The following MANBA variants were observed in gnomAD, a reference collection of about 807,000 sequenced individuals.
The protein encoded by MANBA is mannosidase beta.
Under a neutral mutation model 111.1 loss-of-function variants are expected in MANBA, and 83 were observed. That is an observed-to-expected ratio of 0.75 (90% CI 0.63 to 0.90). MANBA has a LOEUF of 0.90. Ranked by LOEUF, MANBA falls within the 40% of genes least tolerant of loss-of-function variation. The probability of loss-of-function intolerance (pLI) is 0.00; values close to 1 mark genes in which losing one functional copy is unlikely to be tolerated. For missense variants in MANBA, 1,036 were observed against 1,069.0 expected (o/e 0.97, Z 0.43); for synonymous variants, 370 against 378.7 (o/e 0.98, Z 0.27).
chr4:102,633,636 A>G (rs5026473), intron 16 of MANBA, among the ~76,000 whole-genome samples: 83,638 of 151,850 alleles, frequency 0.55, 23,478 homozygotes, highest in African/African-American at 0.63. Flanking sequence ...TCAAAATGAG[A>G]TAGAACAAAG....
At chr4:102,677,956 T>A (rs1180452577) in intron 7 of MANBA, among the ~76,000 whole-genome samples, 1 of 152,178 alleles carries the variant, frequency 6.6e-6, no homozygotes, top group Non-Finnish European at 1.5e-5. Flanking sequence ...ATATGGTAAA[T>A]ATCGGTACAT....
chr4:102,666,768 A>T (rs1731245944), intron 10 of MANBA: 1 of 152,216 alleles, frequency 6.6e-6, no homozygotes, highest in Non-Finnish European at 1.5e-5. Context: ...TTAAAATGAA[A>T]CACAGTTACA....
chr4:102,729,093 G>C, intron 1 of MANBA: 6 of 752,258 alleles, frequency 8.0e-6, no homozygotes, highest in South Asian at 6.7e-5. Flanking sequence ...TTGGCCTGCT[G>C]CAGGGCGGCC....
intron 5 of MANBA, among the ~76,000 whole-genome samples, chr4:102,701,980 G>A (rs1440505845): frequency 6.6e-6 from 1 of 151,988 alleles, no homozygotes; most frequent in East Asian, 1.9e-4. Flanking sequence ...CATTCTCCCC[G>A]TCACTTTCAG....
At chr4:102,672,497 G>A (rs1313609006) in intron 8 of MANBA, among the ~76,000 whole-genome samples, 1 of 151,974 alleles carries the variant, frequency 6.6e-6, no homozygotes, top group Non-Finnish European at 1.5e-5. Context: ...TAAATAAATT[G>A]TATTGTGTAT....
chr4:102,723,014 C>G lies in MANBA; in HGVS notation c.406G>C (p.Asp136His). Residue 136 changes from aspartate (D) to histidine (H), a missense_variant, in exon 4 of 17, where the codon GAC becomes CAC. Physicochemically the swap from Asp to His is moderately conservative, Grantham distance 81. Transcript: ENST00000647097. ...YSFDITNVVR[D>H]VNSIELRFQS... Reference sequence around the variant, plus strand: ...AAACGCAGCTCAATGGAGTTCACGTCCCTGACCACGTTGGTAATATCAAAG... The same window carrying G: ...AAACGCAGCTCAATGGAGTTCACGTGCCTGACCACGTTGGTAATATCAAAG... The G allele has an allele frequency of 6.2e-7, 1 of 1,614,068 alleles. No individual in the cohort carries two copies. The highest frequency in any genetic ancestry group is 8.5e-7 in the Non-Finnish European group (1 of 1,179,970).
chr4:102,708,033 G>A (rs1426460224), intron 5 of MANBA, among the ~76,000 whole-genome samples: 1 of 152,016 alleles, frequency 6.6e-6, no homozygotes, highest in Non-Finnish European at 1.5e-5. Flanking sequence ...CAAATCTAAA[G>A]ACAGATAGAT....
chr4:102,734,473 C>A (rs1293586590), intron 1 of MANBA: 3 of 1,601,252 alleles, frequency 1.9e-6, no homozygotes, highest in Non-Finnish European at 2.6e-6. Flanking sequence ...TGTGTGCTGG[C>A]CATCATCATA....
At position 102,749,862 on chromosome 4, in the gene MANBA, G is replaced by A. The variant is rs748761682; in HGVS notation, c.177+10856C>T. 5.3e-5 allele frequency among the ~76,000 whole-genome samples: 8 copies of A among 152,300 alleles called. No individual in the cohort carries two copies. In the Middle Eastern group the frequency reaches 0.014, roughly 259 times the overall value. On this transcript the variant is annotated intron_variant, in intron 1 of 16. Coordinates refer to ENST00000647097, the MANE Select transcript of MANBA (RefSeq NM_005908.4). ...TTATACATGATAAGGACCAGCCAAC[G>A]CTTACCTAAAAATTTAGCTCTCAGG...
chr4:102,754,202 T>A (rs139652276), intron 1 of MANBA, among the ~76,000 whole-genome samples: 339 of 152,216 alleles, frequency 2.2e-3, no homozygotes, highest in African/African-American at 8.0e-3. Flanking sequence ...TCTGATAAAA[T>A]AATGGTGGCA....
intron 1 of MANBA, chr4:102,728,833 G>C: frequency 1.1e-6 from 1 of 919,270 alleles, no homozygotes; most frequent in East Asian, 2.5e-5. Context: ...TGGTGGTGCT[G>C]GTGCGGCTGA....
At chr4:102,653,263 CACAA>C (rs1469951080) in intron 12 of MANBA, among the ~76,000 whole-genome samples, 60 of 117,798 alleles carry the variant, frequency 5.1e-4, no homozygotes, top group Middle Eastern at 4.7e-3. Context: ...CACACACACA[CACAA>C]GGTATTTACT....
chr4:102,753,909 C>A (rs1723904733), intron 1 of MANBA: 1 of 438,314 alleles, frequency 2.3e-6, no homozygotes, highest in South Asian at 1.6e-5. Flanking sequence ...ACGGTGAGAC[C>A]ATGAGAATCG....
intron 12 of MANBA, 93 bp from the exon 13 acceptor site, chr4:102,650,794 C>T: frequency 1.0e-6 from 1 of 989,042 alleles, no homozygotes; most frequent in Non-Finnish European, 1.6e-6. Context: ...GTATCCTAAA[C>T]ACTAGAGAAG....
chr4:102,728,581 T>A (rs1722901034), intron 1 of MANBA: 27 of 436,370 alleles, frequency 6.2e-5, no homozygotes, highest in South Asian at 5.2e-4. Flanking sequence ...TGAATTGTTT[T>A]GTAGCTGAAG....
intron 5 of MANBA, among the ~76,000 whole-genome samples, chr4:102,705,246 C>T (rs1733243962): frequency 6.6e-6 from 1 of 152,134 alleles, no homozygotes; most frequent in African/African-American, 2.4e-5. Flanking sequence ...GAGAGAGCAC[C>T]TCCACCCTCG....
At position 102,631,904 on chromosome 4, in the gene MANBA, T is replaced by C. The variant is rs544611627; in HGVS notation, c.*153A>G. 2.1e-5 allele frequency: 15 copies of C among 726,148 alleles called. No individual in the cohort carries two copies. Among genetic ancestry groups the C allele is most frequent in the Middle Eastern group, 3.7e-4 (1 of 2,718 alleles). 45.0% of individuals were successfully genotyped at this position (726,148 alleles called of 1,614,324 possible). ...AACAGCCTCCCCTGAAAGTGTTCAG[T>C]GTACAACTCTTCACAGAGCAATCGC... On this transcript the variant is annotated 3_prime_UTR_variant, in exon 17 of 17. Coordinates refer to ENST00000647097, the MANE Select transcript of MANBA (RefSeq NM_005908.4).
At chr4:102,713,618 T>C (rs958037473) in intron 5 of MANBA, among the ~76,000 whole-genome samples, 1 of 152,194 alleles carries the variant, frequency 6.6e-6, no homozygotes, top group African/African-American at 2.4e-5. Flanking sequence ...AATATTTCTT[T>C]TGGCCAGGCG....
intron 1 of MANBA, among the ~76,000 whole-genome samples, chr4:102,735,860 T>C (rs535777632): frequency 6.6e-6 from 1 of 152,168 alleles, no homozygotes; most frequent in African/African-American, 2.4e-5. Flanking sequence ...AGGAAGAAAC[T>C]AAAGCTCCAA....
Sources: gnomAD v4.1 joint callset for allele counts (sites outside exome capture counted in the v4.1 genomes callset) on GRCh38, gnomAD v4.1.1 for gene constraint, MANE v1.5 for transcripts, NCBI Gene and HGNC (gene_info 2026-07-23, HGNC 2026-07-21) for gene names.